CD163L1: variants seen among roughly 807,000 people sequenced by gnomAD.
The protein encoded by CD163L1 is scavenger receptor cysteine-rich type 1 protein M160.
A neutral mutation model predicts 165.4 loss-of-function variants in CD163L1; 124 were observed. That is an observed-to-expected ratio of 0.75 (90% CI 0.65 to 0.87). The LOEUF is 0.87. CD163L1 is among the 40% of genes least tolerant of loss of function. The pLI, the probability that CD163L1 is intolerant of heterozygous loss-of-function variation, is 0.00. For missense variants in CD163L1, 1,525 were observed against 1,799.9 expected (o/e 0.85, Z 2.76); for synonymous variants, 585 against 662.2 (o/e 0.88, Z 1.79).
At chr12:7,421,585 A>G (rs1252712602) in intron 4 of CD163L1, among the ~76,000 whole-genome samples, 1 of 121,194 alleles carries the variant, frequency 8.3e-6, no homozygotes, top group African/African-American at 3.7e-5. Context: ...ATGTACATAT[A>G]TACATATACA....
chr12:7,364,691 G>A (rs1255172437), intron 18 of CD163L1, among the ~76,000 whole-genome samples: 1 of 151,902 alleles, frequency 6.6e-6, no homozygotes, highest in African/African-American at 2.4e-5. Flanking sequence ...ATTTGCAATA[G>A]CTATAAAGAA....
At chr12:7,412,757 T>C (rs1948160717) in intron 4 of CD163L1, among the ~76,000 whole-genome samples, 1 of 151,928 alleles carries the variant, frequency 6.6e-6, no homozygotes. Flanking sequence ...AACAACCATT[T>C]ATGAGTGAAA....
intron 9 of CD163L1, among the ~76,000 whole-genome samples, chr12:7,377,164 TG>T (rs1202978023): frequency 1.3e-5 from 2 of 152,204 alleles, no homozygotes; most frequent in African/African-American, 4.8e-5. Flanking sequence ...GCTTTTGAAC[TG>T]GCTGTATCTC....
At chr12:7,423,960 T>G (rs1020343390) in intron 4 of CD163L1, among the ~76,000 whole-genome samples, 14 of 152,172 alleles carry the variant, frequency 9.2e-5, no homozygotes, top group Middle Eastern at 3.4e-3. Flanking sequence ...AAAAAGGGAC[T>G]CCTCCCGAAC....
intron 2 of CD163L1, chr12:7,438,661 T>C: frequency 1.9e-6 from 1 of 539,316 alleles, no homozygotes; most frequent in Non-Finnish European, 3.2e-6. Context: ...AGGATCTTCA[T>C]TTATGACCGC....
intron 18 of CD163L1, among the ~76,000 whole-genome samples, chr12:7,360,355 C>T (rs569287774): frequency 1.3e-5 from 2 of 152,104 alleles, no homozygotes; most frequent in African/African-American, 4.8e-5. Context: ...GTTAGCCAGG[C>T]TGGTCTCAAA....
intron 2 of CD163L1, among the ~76,000 whole-genome samples, chr12:7,434,618 A>C (rs1948690537): frequency 6.6e-6 from 1 of 152,026 alleles, no homozygotes; most frequent in Non-Finnish European, 1.5e-5. Flanking sequence ...AAGAAGAGCA[A>C]GTGAGCCAAA....
chr12:7,373,405 C>T lies in CD163L1; in HGVS notation c.3645G>A (p.Thr1215=), dbSNP rs368002565. Residue 1215 remains threonine (T), a synonymous_variant, in exon 14 of 20, where the codon ACG becomes ACA. Coordinates refer to ENST00000313599, the MANE Select transcript of CD163L1 (RefSeq NM_174941.6). ...MWVDDIQCPK[T]HISIWQCLSA... Reference sequence around the variant, plus strand: ...ACAGGCACTGCCATATGGAGATATGCGTTTTAGGACACTGAATGTCATCCA... The same window carrying T: ...ACAGGCACTGCCATATGGAGATATGTGTTTTAGGACACTGAATGTCATCCA... 2.5e-5 allele frequency: 41 copies of T among 1,614,022 alleles called. No homozygotes were observed. Among genetic ancestry groups the T allele is most frequent in the Admixed American group, 8.3e-5 (5 of 59,992 alleles).
intron 4 of CD163L1, among the ~76,000 whole-genome samples, chr12:7,421,087 GTATATATA>G (rs1491330113): frequency 9.8e-4 from 92 of 94,030 alleles, no homozygotes; most frequent in Middle Eastern, 5.5e-3. Context: ...ATATATATAC[GTATATATA>G]TGTATATATA....
chr12:7,379,164 T>G lies in CD163L1; in HGVS notation c.2185A>C (p.Arg729=). 1 of 1,614,148 alleles carries G rather than the reference T, an allele frequency of 6.2e-7. No homozygotes were observed. Among genetic ancestry groups the G allele is most frequent in the Non-Finnish European group, 8.5e-7 (1 of 1,180,014 alleles). ...WGMNIAEVVC[R]QLECGSAIRV... ...ATTGCAGACCCACATTCAAGTTGCC[T>G]GCAAACAACTTCAGCAATGTTCATT... The change falls in exon 9 of 20, where the codon AGG becomes CGG. Residue 729 remains arginine, a synonymous_variant. Transcript: ENST00000313599.
Position 7,406,799 on chromosome 12 carries a change from T to G in CD163L1, c.820A>C (p.Arg274=). ...CTTCCTTGGATTTTCAGCTCTACTC[T>G]CCCCATACAGCGGTTAGTTCCACCT... ...LVGGTNRCMG[R]VELKIQGRWG... is the part of the protein sequence containing the mutation. Residue 274 remains arginine (R), a synonymous_variant, in exon 5 of 20, where the codon AGA becomes CGA. Coordinates refer to ENST00000313599, the MANE Select transcript of CD163L1 (RefSeq NM_174941.6). 6.2e-7 allele frequency: 1 copy of G among 1,613,938 alleles called. No homozygotes were observed. Among genetic ancestry groups the G allele is most frequent in the Admixed American group, 1.7e-5 (1 of 59,988 alleles).
the CD163L1 span, among the ~76,000 whole-genome samples, chr12:7,336,309 C>A: frequency 6.7e-6 from 1 of 150,212 alleles, no homozygotes; most frequent in African/African-American, 2.5e-5. Flanking sequence ...ACATATACAC[C>A]ATGGAATACT....
intron 8 of CD163L1, among the ~76,000 whole-genome samples, chr12:7,382,667 C>T (rs1479711193): frequency 6.6e-6 from 1 of 152,148 alleles, no homozygotes; most frequent in Non-Finnish European, 1.5e-5. Context: ...TGCACAATAG[C>T]GTTGTTCCAG....
Position 7,375,844 on chromosome 12 carries a change from C to T in CD163L1, c.2542G>A (p.Asp848Asn), listed in dbSNP as rs1947258298. The change falls in exon 10 of 20, where the codon GAT (aspartate) becomes AAT (asparagine). Residue 848 changes from aspartate (D) to asparagine (N), a missense_variant. By Grantham distance (23) the Asp-to-Asn change is conservative. Transcript: ENST00000313599. ...CGDAISLSVG[D>N]HFGKGNGLTW... is the part of the protein sequence containing the mutation. ...AGACCATTCCCTTTTCCAAAGTGAT[C>T]TCCCACAGAAAGAGATATGGCATCT... 6.2e-7 allele frequency: 1 copy of T among 1,614,100 alleles called. No individual in the cohort carries two copies. The highest frequency in any genetic ancestry group is 1.1e-5 in the South Asian group (1 of 91,076).
intron 4 of CD163L1, among the ~76,000 whole-genome samples, chr12:7,423,459 G>C (rs1458937512): frequency 6.6e-6 from 1 of 151,904 alleles, no homozygotes; most frequent in East Asian, 1.9e-4. Flanking sequence ...GCTAGCAAAA[G>C]TCAAGAAATA....
chr12:7,390,821 A>C (rs891423498), intron 8 of CD163L1, among the ~76,000 whole-genome samples: 1 of 152,222 alleles, frequency 6.6e-6, no homozygotes, highest in African/African-American at 2.4e-5. Context: ...TGAGTCAGGG[A>C]GTCCAACTCT....
Position 7,432,338 on chromosome 12 carries a change from G to T in CD163L1, c.766+78C>A. 3 of 1,098,064 alleles carry T rather than the reference G, an allele frequency of 2.7e-6. No individual in the cohort carries two copies. Among genetic ancestry groups the T allele is most frequent in the Non-Finnish European group, 2.6e-6 (2 of 759,748 alleles). The allele number at this position is 1,098,064 out of a possible 1,614,324, so 68.0% of individuals were successfully genotyped here. On this transcript the variant is annotated intron_variant, in intron 4 of 19. Transcript: ENST00000313599. This position sits in a 1 kb window ranked among gnomAD's most constrained non-coding sequence, Gnocchi z 4.2. ...CAGAGAAAATTCTTCTCCAGAGAAT[G>T]ATTGACCTTTTTCTTTCCATACATA...
At chr12:7,375,012 T>C (rs1192355273) in intron 11 of CD163L1, 89 bp from the exon 12 acceptor site, 26 of 1,234,646 alleles carry the variant, frequency 2.1e-5, no homozygotes, top group Non-Finnish European at 2.9e-5. Flanking sequence ...GAATCTGCAA[T>C]TGTGATAAGG....
chr12:7,346,157 T>C (rs1429777279), downstream of CD163L1, among the ~76,000 whole-genome samples: 3 of 150,888 alleles, frequency 2.0e-5, no homozygotes, highest in Non-Finnish European at 4.4e-5. Flanking sequence ...GATGTTAGTC[T>C]CTTATGTCTG....
Sources: gnomAD v4.1 joint callset for allele counts (sites outside exome capture counted in the v4.1 genomes callset) on GRCh38, gnomAD v4.1.1 for gene constraint, Gnocchi (gnomAD v3.1) non-coding constraint, MANE v1.5 for transcripts, NCBI Gene and HGNC (gene_info 2026-07-23, HGNC 2026-07-21) for gene names.